Variants in TCF7L1 observed in about 807,000 individuals in gnomAD.
TCF7L1 encodes transcription factor 7-like 1.
A neutral mutation model predicts 63.7 loss-of-function variants in TCF7L1; 18 were observed. The observed-to-expected ratio is 0.28, with a 90% CI of 0.20 to 0.42. The LOEUF (loss-of-function observed/expected upper bound fraction) is 0.42, where lower values mean the gene tolerates loss of function less well. Among genes scored for constraint, TCF7L1 ranks in the 10% least tolerant of loss-of-function variants. The pLI, the probability that TCF7L1 is intolerant of heterozygous loss-of-function variation, is 1.00. For synonymous variants in TCF7L1, 355 were observed against 340.9 expected, an observed-to-expected ratio of 1.04 and a Z score of -0.46; for missense variants, 654 against 779.3, an observed-to-expected ratio of 0.84 and a Z score of 1.91.
intron 3 of TCF7L1, among the ~76,000 whole-genome samples, chr2:85,219,716 T>C (rs771120087): frequency 1.4e-4 from 21 of 151,988 alleles, no homozygotes; most frequent in Admixed American, 3.9e-4. Context: ...CTCATCTCTT[T>C]GAAAAGAAAG....
chr2:85,217,275 A>T (rs1679731909), intron 3 of TCF7L1: 1 of 152,224 alleles, frequency 6.6e-6, no homozygotes, highest in African/African-American at 2.4e-5. Flanking sequence ...GATAAGATTG[A>T]AGCAAACCTG....
At chr2:85,241,671 C>T (rs1376811499) in intron 3 of TCF7L1, among the ~76,000 whole-genome samples, 1 of 151,988 alleles carries the variant, frequency 6.6e-6, no homozygotes, top group Non-Finnish European at 1.5e-5. Context: ...TCTCGAACTC[C>T]TGACCTCAGG....
intron 3 of TCF7L1, among the ~76,000 whole-genome samples, chr2:85,198,387 G>A (rs1446135470): frequency 6.6e-6 from 1 of 152,180 alleles, no homozygotes; most frequent in East Asian, 1.9e-4. Flanking sequence ...GTAGGGAAGG[G>A]GGTGCAGAGC....
intron 3 of TCF7L1, among the ~76,000 whole-genome samples, chr2:85,200,914 A>G (rs1023564745): frequency 2.6e-5 from 4 of 152,168 alleles, no homozygotes; most frequent in Non-Finnish European, 4.4e-5. Flanking sequence ...AATTATTACA[A>G]TAGTGGCCAG....
intron 3 of TCF7L1, among the ~76,000 whole-genome samples, chr2:85,249,388 C>T (rs1252518081): frequency 3.3e-5 from 5 of 152,232 alleles, no homozygotes; most frequent in Non-Finnish European, 7.3e-5. Context: ...TGATTGTTTA[C>T]AGGCTGGGTT....
intron 3 of TCF7L1, among the ~76,000 whole-genome samples, chr2:85,236,247 G>A (rs902733335): frequency 2.0e-5 from 3 of 152,112 alleles, no homozygotes; most frequent in Non-Finnish European, 2.9e-5. Context: ...ACTCAAGCCC[G>A]GTCTGTATCA....
At chr2:85,215,913 A>G (rs1679692129) in intron 3 of TCF7L1, among the ~76,000 whole-genome samples, 1 of 152,230 alleles carries the variant, frequency 6.6e-6, no homozygotes. Flanking sequence ...AGCCAAGTTC[A>G]GCCGAAGGAA....
At chr2:85,153,093 A>G (rs1291997582) in intron 3 of TCF7L1, among the ~76,000 whole-genome samples, 2 of 152,246 alleles carry the variant, frequency 1.3e-5, no homozygotes, top group Non-Finnish European at 2.9e-5. Context: ...ATCATCATCA[A>G]TCAGGCAGAA....
intron 3 of TCF7L1, among the ~76,000 whole-genome samples, chr2:85,158,089 G>C (rs1250582513): frequency 6.6e-6 from 1 of 152,178 alleles, no homozygotes; most frequent in Non-Finnish European, 1.5e-5. Context: ...CAGCTTTACA[G>C]ACTCCTGGCC....
chr2:85,267,043 A>T (rs948582412), intron 3 of TCF7L1, among the ~76,000 whole-genome samples: 1 of 152,156 alleles, frequency 6.6e-6, no homozygotes, highest in Non-Finnish European at 1.5e-5. Flanking sequence ...TAATGAAAGG[A>T]TTGAGAGTTG....
chr2:85,248,032 T>C (rs1680506502), intron 3 of TCF7L1, among the ~76,000 whole-genome samples: 1 of 152,220 alleles, frequency 6.6e-6, no homozygotes, highest in African/African-American at 2.4e-5. Flanking sequence ...TCCAAGAATA[T>C]ATCTTCCTAT....
chr2:85,208,741 A>G (rs558198324), intron 3 of TCF7L1, among the ~76,000 whole-genome samples: 1 of 152,356 alleles, frequency 6.6e-6, no homozygotes, highest in South Asian at 2.1e-4. Context: ...GGACAATTCC[A>G]GGGTGGGAAA....
At chr2:85,146,552 A>G (rs1388207359) in intron 3 of TCF7L1, among the ~76,000 whole-genome samples, 3 of 127,966 alleles carry the variant, frequency 2.3e-5, no homozygotes, top group Non-Finnish European at 4.6e-5. Context: ...CCCAGGCTGG[A>G]GTGCAATGGC....
chr2:85,286,869 T>G (rs1681572572), intron 4 of TCF7L1, among the ~76,000 whole-genome samples: 1 of 152,142 alleles, frequency 6.6e-6, no homozygotes, highest in Non-Finnish European at 1.5e-5. Context: ...AGCTGGGAGT[T>G]CGGAGCTGCA....
rs1392938525 is a variant in TCF7L1 at position 85,309,664 on chromosome 2, C to CA, written c.*211dup. 4.5e-4 allele frequency: 218 copies of CA among 480,942 alleles called. 1 individual carries two copies. The highest frequency in any genetic ancestry group is 2.2e-3 in the Admixed American group (56 of 25,902). 29.8% of individuals were successfully genotyped at this position (480,942 alleles called of 1,614,324 possible). A position where few individuals can be genotyped will look rare whatever the true frequency, so the allele number is the denominator to read the frequency against. On this transcript the variant is annotated 3_prime_UTR_variant, in exon 12 of 12. Transcript: ENST00000282111. ...TTTTTTAAAAAACAAAACAAAACAA[C>CA]AAAAAAAAATCTTTATAAGAAAGAG...
intron 3 of TCF7L1, among the ~76,000 whole-genome samples, chr2:85,252,174 G>T (rs1680606111): frequency 6.6e-6 from 1 of 152,184 alleles, no homozygotes; most frequent in African/African-American, 2.4e-5. Flanking sequence ...TCACAGAAAG[G>T]ACTCTGAGGG....
At chr2:85,285,275 G>A (rs1681519953) in intron 4 of TCF7L1, among the ~76,000 whole-genome samples, 1 of 152,118 alleles carries the variant, frequency 6.6e-6, no homozygotes, top group Non-Finnish European at 1.5e-5. Flanking sequence ...AAAGCTTAGA[G>A]TCTAGCAGAA....
At chr2:85,221,209 TC>T (rs1679833981) in intron 3 of TCF7L1, among the ~76,000 whole-genome samples, 1 of 152,182 alleles carries the variant, frequency 6.6e-6, no homozygotes, top group Non-Finnish European at 1.5e-5. Context: ...AACACTGGTC[TC>T]CTTTGGAGGA....
At chr2:85,155,296 C>G (rs1448705598) in intron 3 of TCF7L1, among the ~76,000 whole-genome samples, 1 of 152,130 alleles carries the variant, frequency 6.6e-6, no homozygotes, top group Non-Finnish European at 1.5e-5. Flanking sequence ...AGGACATGGG[C>G]GGGGACAAAT....
Sources: gnomAD v4.1 joint callset for allele counts (sites outside exome capture counted in the v4.1 genomes callset) on GRCh38, gnomAD v4.1.1 for gene constraint, MANE v1.5 for transcripts, NCBI Gene and HGNC (gene_info 2026-07-23, HGNC 2026-07-21) for gene names.